CLDN1: variants seen among roughly 807,000 people sequenced by gnomAD.
CLDN1 encodes the protein claudin 1.
In CLDN1, 12 loss-of-function variants were observed where a neutral mutation model predicts 22.6. The ratio of observed to expected loss-of-function variants is 0.53; its 90% CI spans 0.34 to 0.86. The LOEUF is 0.86. Among genes scored for constraint, CLDN1 ranks in the 40% least tolerant of loss-of-function variants. The pLI is 0.02. For missense variants in CLDN1, 250 were observed against 269.5 expected (o/e 0.93, Z 0.51); for synonymous variants, 99 against 103.8 (o/e 0.95, Z 0.28).
intron 2 of CLDN1, among the ~76,000 whole-genome samples, 184 bp downstream of exon 2, chr3:190,312,688 T>C (rs1376857095): frequency 6.6e-6 from 1 of 152,234 alleles, no homozygotes; most frequent in Non-Finnish European, 1.5e-5. Flanking sequence ...CTGTCAGATG[T>C]GAGCAGAGCT....
At chr3:190,317,974 A>G (rs1716814699) in intron 1 of CLDN1, among the ~76,000 whole-genome samples, 1 of 152,214 alleles carries the variant, frequency 6.6e-6, no homozygotes, top group Non-Finnish European at 1.5e-5. Context: ...GAACAAAAAT[A>G]TTGTGCTTCC....
At chr3:190,321,943 G>GT in intron 1 of CLDN1, 41 bp downstream of exon 1, 1 of 1,521,494 alleles carries the variant, frequency 6.6e-7, no homozygotes, top group Non-Finnish European at 9.1e-7. Context: ...CAGGGGGACT[G>GT]GGGCCTCTGG....
In CLDN1 at chr3:190,312,851, G is replaced by A. The variant is rs749375646; in HGVS notation, c.388+21C>T. ...CCAGGAACAGGTTAGTAAGGTGAAA[G>A]GGGGGCACAGCCTCTATTACCTGCA... On this transcript the variant is annotated intron_variant, in intron 2 of 3. Transcript: ENST00000295522. 3.7e-6 allele frequency: 6 copies of A among 1,612,710 alleles called. No individual in the cohort carries two copies. The African/African-American group carries it at 6.7e-5, about 18-fold the overall frequency.
chr3:190,320,105 G>T (rs112278298), intron 1 of CLDN1, among the ~76,000 whole-genome samples: 1,905 of 152,266 alleles, frequency 0.013, 22 homozygotes, highest in Middle Eastern at 0.034. Context: ...TTTCACCCTA[G>T]TTTTAAAAAC....
At chr3:190,321,275 C>T (rs1360634967) in intron 1 of CLDN1, among the ~76,000 whole-genome samples, 1 of 152,176 alleles carries the variant, frequency 6.6e-6, no homozygotes, top group East Asian at 1.9e-4. Flanking sequence ...TCCCCACCTG[C>T]CACCAACCTT....
rs1360615709 is a variant in CLDN1, at chr3:190,317,973, T to C, written c.223+4011A>G. Among the ~76,000 whole-genome samples, 3 of 152,318 alleles carry C rather than the reference T, an allele frequency of 2.0e-5. No individual in the cohort carries two copies. In the East Asian group the frequency reaches 5.8e-4, roughly 29 times the overall value. ...GATGATTGGGTGACTAGAACAAAAA[T>C]ATTGTGCTTCCTTCTCCCCTGCAAT... On this transcript the variant is annotated intron_variant, in intron 1 of 3. Transcript: ENST00000295522.
At chr3:190,317,507 G>A (rs1351625249) in intron 1 of CLDN1, among the ~76,000 whole-genome samples, 1 of 152,190 alleles carries the variant, frequency 6.6e-6, no homozygotes, top group Non-Finnish European at 1.5e-5. Flanking sequence ...CAAATGTGTA[G>A]AAAGACAGAC....
intron 1 of CLDN1, among the ~76,000 whole-genome samples, chr3:190,314,653 C>A (rs1716717156): frequency 6.6e-6 from 1 of 152,030 alleles, no homozygotes; most frequent in East Asian, 1.9e-4. Flanking sequence ...GTCTGCCCAC[C>A]TCGGCCTCCC....
intron 1 of CLDN1, among the ~76,000 whole-genome samples, chr3:190,320,967 AC>A (rs145353560): frequency 0.17 from 26,277 of 151,784 alleles, 2,482 homozygotes; most frequent in Middle Eastern, 0.28. Context: ...AATTTAAAAA[AC>A]AAAGTAAAAC....
intron 1 of CLDN1, among the ~76,000 whole-genome samples, chr3:190,318,073 C>T (rs779082180): frequency 2.0e-5 from 3 of 152,146 alleles, no homozygotes; most frequent in East Asian, 1.9e-4. Flanking sequence ...TTTACTTTTA[C>T]GGAAGTTCAA....
intron 2 of CLDN1, among the ~76,000 whole-genome samples, chr3:190,310,823 T>G (rs1716595939): frequency 6.6e-6 from 1 of 152,164 alleles, no homozygotes. Context: ...GGCCTGAGAT[T>G]TGTTGAGGGT....
intron 2 of CLDN1, 91 bp from the exon 3 acceptor site, chr3:190,310,344 A>G: frequency 1.1e-6 from 1 of 905,432 alleles, no homozygotes; most frequent in Non-Finnish European, 1.8e-6. Flanking sequence ...TTTTGCAAGA[A>G]TTAAATCTCA....
rs1716510735 is a variant in CLDN1 at position 190,308,208 on chromosome 3, T to C, written c.*69A>G. 3.2e-6 allele frequency: 5 copies of C among 1,563,858 alleles called. No homozygotes were observed. The African/African-American group carries it at 5.4e-5, about 17-fold the overall frequency. On this transcript the variant is annotated 3_prime_UTR_variant, in exon 4 of 4. Transcript: ENST00000295522. ...AATACCCAAAATTCTAAGGTCCTAA[T>C]GTTAATGATAGTATCTCAATGTCCA...
At chr3:190,313,754 C>G (rs1421847045) in intron 1 of CLDN1, among the ~76,000 whole-genome samples, 1 of 152,168 alleles carries the variant, frequency 6.6e-6, no homozygotes, top group African/African-American at 2.4e-5. Flanking sequence ...ATAGCACACA[C>G]AATAATTCAA....
At chr3:190,319,553 C>G (rs1025649126) in intron 1 of CLDN1, among the ~76,000 whole-genome samples, 5 of 152,086 alleles carry the variant, frequency 3.3e-5, no homozygotes, top group Non-Finnish European at 7.4e-5. Flanking sequence ...TATGACCTAC[C>G]CTACATAAAG....
intron 1 of CLDN1, among the ~76,000 whole-genome samples, chr3:190,320,426 TA>T (rs527727049): frequency 2.6e-4 from 39 of 152,242 alleles, no homozygotes; most frequent in African/African-American, 8.9e-4. Flanking sequence ...ATTCAATAAT[TA>T]TTACCAAATT....
chr3:190,320,722 A>G (rs1716895272), intron 1 of CLDN1, among the ~76,000 whole-genome samples: 1 of 152,188 alleles, frequency 6.6e-6, no homozygotes, highest in Non-Finnish European at 1.5e-5. Context: ...AGTTAAGTAA[A>G]CTTGAACAAT....
rs748805186 is a variant in CLDN1, at chr3:190,321,957, G to A, written c.223+27C>T. 1.3e-5 allele frequency: 20 copies of A among 1,595,048 alleles called. 1 individual carries two copies. In the African/African-American group the frequency reaches 2.7e-4, roughly 21 times the overall value. ...GCAGGGGGACTGGGGCCTCTGGACG[G>A]CCGCTGTGAGGTGGGGGTGCACTCA... is the stretch of plus-strand genomic sequence containing the variant. On this transcript the variant is annotated intron_variant, in intron 1 of 3. Coordinates refer to ENST00000295522, the MANE Select transcript of CLDN1 (RefSeq NM_021101.5).
Position 190,312,957 on chromosome 3 carries a change from G to A in CLDN1, c.303C>T (p.Gly101=). 3 of 1,614,146 alleles carry A rather than the reference G, an allele frequency of 1.9e-6. No homozygotes were observed. Among genetic ancestry groups the A allele is most frequent in the Non-Finnish European group, 2.5e-6 (3 of 1,180,032 alleles). Residue 101 remains glycine, a synonymous_variant, in exon 2 of 4, where the codon GGC becomes GGT. Coordinates refer to ENST00000295522, the MANE Select transcript of CLDN1 (RefSeq NM_021101.5). ...CTTCCAAGCACTTCATACACTTCAT[G>A]CCAACGGTGGCCACAAAGATTGCTA... is the stretch of plus-strand genomic sequence containing the variant. The part of the protein sequence containing the change: ...GVIAIFVATV[G]MKCMKCLEDD...
Sources: gnomAD v4.1 joint callset for allele counts (sites outside exome capture counted in the v4.1 genomes callset) on GRCh38, gnomAD v4.1.1 for gene constraint, MANE v1.5 for transcripts, NCBI Gene and HGNC (gene_info 2026-07-23, HGNC 2026-07-21) for gene names.